The following THADA variants were observed in gnomAD, a reference collection of about 807,000 sequenced individuals.
The protein encoded by THADA is tRNA (32-2'-O)-methyltransferase regulator THADA.
In THADA, 213 loss-of-function variants were observed where a neutral mutation model predicts 219.8. The observed-to-expected ratio is 0.97, with a 90% CI of 0.87 to 1.09. THADA has a LOEUF of 1.09. Ranked by LOEUF, THADA falls within the 50% of genes least tolerant of loss-of-function variation. THADA has a pLI of 0.00. For synonymous variants in THADA, 1,018 were observed against 828.9 expected (o/e 1.23, Z -3.92); for missense variants, 2,956 against 2,311.3 (o/e 1.28, Z -5.72).
intron 30 of THADA, among the ~76,000 whole-genome samples, chr2:43,338,455 C>T (rs1363425074): frequency 1.3e-5 from 2 of 152,290 alleles, no homozygotes; most frequent in South Asian, 2.1e-4. Flanking sequence ...CTGTACCCAG[C>T]CTCCAGAACC....
intron 36 of THADA, among the ~76,000 whole-genome samples, chr2:43,271,612 CTTTTTTTTTTT>C (rs11365531): frequency 1.7e-5 from 2 of 118,622 alleles, no homozygotes; most frequent in Non-Finnish European, 3.4e-5. Flanking sequence ...ACTCTTGGAA[CTTTTTTTTTTT>C]TTTTTTTTTT....
chr2:43,592,278 T>C (rs1701659831), intron 2 of THADA, 39 bp downstream of exon 2: 1 of 1,475,310 alleles, frequency 6.8e-7, no homozygotes, highest in Non-Finnish European at 9.2e-7. Flanking sequence ...GCTTGCAAAC[T>C]AGAAAAAAAT....
At chr2:43,397,923 T>C (rs779211958) in intron 29 of THADA, 48 bp downstream of exon 29, 1 of 1,590,826 alleles carries the variant, frequency 6.3e-7, no homozygotes, top group Non-Finnish European at 8.6e-7. Flanking sequence ...GAAACCAAAG[T>C]TCATCTTATG....
chr2:43,550,794 C>G (rs932677153), intron 19 of THADA, among the ~76,000 whole-genome samples: 1 of 152,144 alleles, frequency 6.6e-6, no homozygotes, highest in Non-Finnish European at 1.5e-5. Context: ...GTTCCTTATT[C>G]TTATGCACTG....
At chr2:43,595,192 A>G (rs1226147877) in intron 1 of THADA, among the ~76,000 whole-genome samples, 2 of 152,220 alleles carry the variant, frequency 1.3e-5, no homozygotes, top group African/African-American at 4.8e-5. Flanking sequence ...TGGTACCTAA[A>G]ATGCATTCTA....
intron 14 of THADA, among the ~76,000 whole-genome samples, chr2:43,567,159 C>G (rs1698788293): frequency 6.6e-6 from 1 of 151,636 alleles, no homozygotes; most frequent in Non-Finnish European, 1.5e-5. Context: ...CCAAAGATCC[C>G]TGCATTCATT....
chr2:43,363,297 T>A (rs763957235), intron 29 of THADA, among the ~76,000 whole-genome samples: 1 of 152,236 alleles, frequency 6.6e-6, no homozygotes, highest in Non-Finnish European at 1.5e-5. Flanking sequence ...CACAAACACA[T>A]GAGTAATGCA....
intron 26 of THADA, among the ~76,000 whole-genome samples, chr2:43,435,218 G>A (rs777765194): frequency 6.6e-6 from 1 of 152,198 alleles, no homozygotes; most frequent in Non-Finnish European, 1.5e-5. Context: ...ACTTTGGGAG[G>A]CCCAGGTGAG....
intron 10 of THADA, among the ~76,000 whole-genome samples, chr2:43,575,825 C>G (rs1422532452): frequency 6.6e-6 from 1 of 152,172 alleles, no homozygotes; most frequent in Non-Finnish European, 1.5e-5. Flanking sequence ...CTTGAGCCAC[C>G]ATGCCCGGCC....
chr2:43,271,158 T>C (rs1262294174), intron 36 of THADA, among the ~76,000 whole-genome samples: 1 of 152,212 alleles, frequency 6.6e-6, no homozygotes, highest in Non-Finnish European at 1.5e-5. Context: ...GGGCCGGCCC[T>C]GTGCTAGGCA....
chr2:43,555,936 G>C (rs1159434927), intron 17 of THADA, among the ~76,000 whole-genome samples: 4 of 152,196 alleles, frequency 2.6e-5, no homozygotes, highest in East Asian at 1.9e-4. Flanking sequence ...TGGCTATTTG[G>C]GAAGAGTAAA....
intron 35 of THADA, 121 bp from the exon 36 acceptor site, chr2:43,280,017 T>A (rs1673160295): frequency 1.0e-6 from 1 of 1,000,024 alleles, no homozygotes; most frequent in Non-Finnish European, 1.4e-6. Flanking sequence ...TCTCTTTTTT[T>A]CTGGGTATTG....
chr2:43,475,797 C>T (rs1685463767), intron 26 of THADA, among the ~76,000 whole-genome samples: 1 of 152,138 alleles, frequency 6.6e-6, no homozygotes, highest in African/African-American at 2.4e-5. Context: ...GACACTTGTA[C>T]TACTTCACAT....
chr2:43,430,003 T>C (rs895967850), intron 27 of THADA, among the ~76,000 whole-genome samples: 4 of 151,942 alleles, frequency 2.6e-5, no homozygotes, highest in African/African-American at 9.7e-5. Context: ...ACCCCATCTC[T>C]ACAAAAAATA....
chr2:43,430,116 G>C, intron 27 of THADA, 97 bp downstream of exon 27: 1 of 580,092 alleles, frequency 1.7e-6, no homozygotes, highest in East Asian at 3.3e-5. Flanking sequence ...AAAAAGGGAA[G>C]AATTTTATTA....
chr2:43,232,740 G>A lies in THADA; in HGVS notation c.5439C>T (p.Leu1813=), dbSNP rs1490446051. ...GATGCATGCTCTCCACACAGGCCAC[G>A]AGGTCATCACTCTCTCCCAACAGCC... The part of the protein sequence containing the change: ...LGWLLGESDD[L]VACVESMHQV... Residue 1813 remains leucine (L), a synonymous_variant, in exon 37 of 38, where the codon CTC becomes CTT. Coordinates refer to ENST00000405975, the MANE Select transcript of THADA (RefSeq NM_022065.5). 3 of 1,613,810 alleles carry A rather than the reference G, an allele frequency of 1.9e-6. No homozygotes were observed. Among genetic ancestry groups the A allele is most frequent in the East Asian group, 2.2e-5 (1 of 44,888 alleles).
At chr2:43,315,265 G>A (rs1191838356) in intron 31 of THADA, among the ~76,000 whole-genome samples, 1 of 152,018 alleles carries the variant, frequency 6.6e-6, no homozygotes, top group Non-Finnish European at 1.5e-5. Context: ...CATAAAATTA[G>A]TAAAATAGAA....
At chr2:43,563,200 A>G (rs74687931) in intron 15 of THADA, 1 of 152,220 alleles carries the variant, frequency 6.6e-6, no homozygotes, top group African/African-American at 2.4e-5. Flanking sequence ...AACTTTCCCT[A>G]TAAGCACAGC....
intron 14 of THADA, among the ~76,000 whole-genome samples, chr2:43,567,492 T>G (rs997334195): frequency 3.3e-5 from 5 of 152,076 alleles, no homozygotes; most frequent in African/African-American, 1.2e-4. Flanking sequence ...CCAGGTGTGG[T>G]GGCAGAGGCC....
Sources: allele counts gnomAD v4.1 joint callset (sites outside exome capture counted in the v4.1 genomes callset), GRCh38; gene constraint gnomAD v4.1.1; transcripts MANE v1.5; gene names NCBI Gene and HGNC (gene_info 2026-07-23, HGNC 2026-07-21).